DHX8: variants seen among roughly 807,000 people sequenced by gnomAD.
DHX8 encodes the protein DEAH-box helicase 8.
Under a neutral mutation model 140.7 loss-of-function variants are expected in DHX8, and 67 were observed. The ratio of observed to expected loss-of-function variants is 0.48; its 90% CI spans 0.39 to 0.58. The LOEUF is 0.58. Among genes scored for constraint, DHX8 ranks in the 20% least tolerant of loss-of-function variants. The pLI, the probability that DHX8 is intolerant of heterozygous loss-of-function variation, is 0.00. For missense variants in DHX8, 887 were observed against 1,550.7 expected (o/e 0.57, Z 7.19); for synonymous variants, 533 against 553.2 (o/e 0.96, Z 0.51).
downstream of DHX8, chr17:43,526,712 G>T: frequency 6.9e-7 from 1 of 1,446,392 alleles, no homozygotes; most frequent in East Asian, 2.5e-5. Flanking sequence ...CGGCCTTCAG[G>T]GTTTCCACCG....
At position 43,520,867 on chromosome 17, in the gene DHX8, C is replaced by T. The variant is rs1970339474; in HGVS notation, c.3054C>T (p.Phe1018=). Residue 1018 remains phenylalanine, a synonymous_variant, in exon 20 of 23, where the codon TTC becomes TTT. Transcript: ENST00000262415. ...IVSMLSVQNV[F]YRPKDKQALA... ...CCATGCTGTCTGTGCAGAACGTCTT[C>T]TATAGGCCCAAGGTAGGAAGTTCAG... is the stretch of plus-strand genomic sequence containing the variant. 6.2e-7 allele frequency: 1 copy of T among 1,609,166 alleles called. No individual in the cohort carries two copies. The highest frequency in any genetic ancestry group is 8.5e-7 in the Non-Finnish European group (1 of 1,177,906).
chr17:43,504,699 T>C lies in DHX8; in HGVS notation c.1602T>C (p.Asp534=). 1 of 1,614,190 alleles carries C rather than the reference T, an allele frequency of 6.2e-7. No individual in the cohort carries two copies. Among genetic ancestry groups the C allele is most frequent in the Non-Finnish European group, 8.5e-7 (1 of 1,180,032 alleles). The change falls in exon 12 of 23, where the codon GAT becomes GAC. Residue 534 remains aspartate, a synonymous_variant. Transcript: ENST00000262415. The part of the protein sequence containing the change: ...NMRGIGMMPN[D]IPEWKKHAFG... ...GGGGTATTGGGATGATGCCCAATGATATTCCTGAGTGGAAGAAGCATGCCT... is the reference window on the plus strand; with the variant it reads ...GGGGTATTGGGATGATGCCCAATGACATTCCTGAGTGGAAGAAGCATGCCT...
At chr17:43,540,921 G>A (rs2154587243) in intron 3 of DHX8, among the ~76,000 whole-genome samples, 1 of 152,208 alleles carries the variant, frequency 6.6e-6, no homozygotes, top group East Asian at 1.9e-4. Context: ...CCACCCCTGG[G>A]GCCTCATTAA....
At chr17:43,536,153 T>TG (rs1165626380) in intron 2 of DHX8, among the ~76,000 whole-genome samples, 3 of 152,082 alleles carry the variant, frequency 2.0e-5, no homozygotes, top group African/African-American at 4.8e-5. Flanking sequence ...ACACTAGAAC[T>TG]GGACTCTGCT....
At chr17:43,508,251 T>C (rs1448875619) in intron 15 of DHX8, 88 bp from the exon 16 acceptor site, 2 of 1,508,836 alleles carry the variant, frequency 1.3e-6, no homozygotes, top group African/African-American at 2.8e-5. Context: ...TGTTCTGTTA[T>C]TTGAAGTTTT....
chr17:43,541,140 C>T (rs2154587252), intron 3 of DHX8, among the ~76,000 whole-genome samples: 1 of 152,240 alleles, frequency 6.6e-6, no homozygotes, highest in African/African-American at 2.4e-5. Context: ...CATCCTCTTC[C>T]CAGAGCCAGG....
At chr17:43,531,095 T>G (rs866619708), downstream of DHX8, among the ~76,000 whole-genome samples, 15 of 152,160 alleles carry the variant, frequency 9.9e-5, no homozygotes, top group African/African-American at 3.4e-4. Flanking sequence ...GCCCTGGATT[T>G]GAGGACAGGA....
In DHX8 at chr17:43,517,151, A is replaced by G. The variant is rs753039271; in HGVS notation, c.2644-16A>G. ...TGTTTAACAGATATGTTGCTTTTAT[A>G]TGCCCACCCCTCTAGGCTCAGGCAA... On this transcript the variant is annotated splice_polypyrimidine_tract_variant and intron_variant, in intron 17 of 22. Coordinates refer to ENST00000262415, the MANE Select transcript of DHX8 (RefSeq NM_004941.3). 1 of 1,603,894 alleles carries G rather than the reference A, an allele frequency of 6.2e-7. No homozygotes were observed. The highest frequency in any genetic ancestry group is 1.1e-5 in the South Asian group (1 of 90,186).
chr17:43,513,953 T>G lies in DHX8; in HGVS notation c.2643+451T>G, dbSNP rs550396688. Among the ~76,000 whole-genome samples, 4 of 152,158 alleles carry G rather than the reference T, an allele frequency of 2.6e-5. No individual in the cohort carries two copies. In the South Asian group the frequency reaches 8.3e-4, roughly 32 times the overall value. On this transcript the variant is annotated intron_variant, in intron 17 of 22. Transcript: ENST00000262415. ...GTCTTGAACTCGCAACCTCAGATGA[T>G]CCACCCGTCTTGGCCTCCCAAAGTG...
intron 2 of DHX8, 123 bp from the exon 3 acceptor site, chr17:43,490,268 T>C (rs529457774): frequency 2.9e-6 from 2 of 686,118 alleles, no homozygotes; most frequent in East Asian, 5.1e-5. Context: ...ATGTTTCATG[T>C]ATTCCAATTA....
At position 43,534,846 on chromosome 17, in the gene DHX8, C is replaced by A. The variant is rs538502893; in HGVS notation, c.351-1566C>A. Among the ~76,000 whole-genome samples, 7 of 152,230 alleles carry A rather than the reference C, an allele frequency of 4.6e-5. No homozygotes were observed. The East Asian group carries it at 1.2e-3, about 25-fold the overall frequency. ...ATCCCAGCTACTCGGGAGGCTGAGG[C>A]AGGAGAATTGCTTGAACCTGGGAGG... On this transcript the variant is annotated intron_variant, in intron 2 of 3. Transcript: ENST00000589898.
At chr17:43,489,331 A>T (rs1968359624) in intron 1 of DHX8, 118 bp from the exon 2 acceptor site, 2 of 686,738 alleles carry the variant, frequency 2.9e-6, no homozygotes, top group South Asian at 1.9e-5. Context: ...CCCTTACCAG[A>T]TGGTGGTCTT....
intron 2 of DHX8, among the ~76,000 whole-genome samples, chr17:43,535,621 G>A (rs112253825): frequency 0.013 from 2,053 of 152,274 alleles, 40 homozygotes; most frequent in African/African-American, 0.047. Flanking sequence ...CTGTGGGCCA[G>A]ATAGTGTTTT....
intron 16 of DHX8, among the ~76,000 whole-genome samples, chr17:43,512,713 CA>C: frequency 6.6e-6 from 1 of 152,144 alleles, no homozygotes; most frequent in Admixed American, 6.6e-5. Flanking sequence ...CCGGTGCCCC[CA>C]GTGATGATTT....
At chr17:43,529,734 C>T (rs1314602469), downstream of DHX8, 13 of 1,588,908 alleles carry the variant, frequency 8.2e-6, no homozygotes, top group South Asian at 1.1e-5. Context: ...CCCAAGCAAC[C>T]GCCTCCCACC....
rs146851235 is a variant in DHX8 at position 43,492,257 on chromosome 17, A to G, written c.468A>G (p.Ala156=). 3.2e-5 allele frequency: 51 copies of G among 1,613,968 alleles called. No homozygotes were observed. In the African/African-American group the frequency reaches 5.5e-4, roughly 17 times the overall value. The change falls in exon 5 of 23, where the codon GCA becomes GCG. Residue 156 remains alanine (A), a synonymous_variant. Transcript: ENST00000262415. ...AACTGGAAGCTTTAATGCCCAGCGC[A>G]GCAGGCCAGGAGAAGCAAAGAGATG... is the stretch of plus-strand genomic sequence containing the variant. ...LKELEALMPS[A]AGQEKQRDAE...
At chr17:43,534,073 C>A in intron 2 of DHX8, 2 of 1,349,644 alleles carry the variant, frequency 1.5e-6, no homozygotes, top group South Asian at 1.8e-5. Flanking sequence ...CTTTGAGGAC[C>A]AGCTGGGTGA....
At chr17:43,527,882 TGTG>T (rs1043727531), downstream of DHX8, 26 of 231,710 alleles carry the variant, frequency 1.1e-4, no homozygotes, top group Admixed American at 7.9e-4. Flanking sequence ...GTCTGGCAGA[TGTG>T]GTGGAGGTGG....
intron 17 of DHX8, 112 bp downstream of exon 17, chr17:43,513,614 C>T (rs1050603394): frequency 1.8e-6 from 2 of 1,142,742 alleles, no homozygotes; most frequent in Admixed American, 5.1e-5. Context: ...TTTTATGATA[C>T]TGGGTACTAT....
Sources: allele counts gnomAD v4.1 joint callset (sites outside exome capture counted in the v4.1 genomes callset), GRCh38; gene constraint gnomAD v4.1.1; transcripts MANE v1.5; gene names NCBI Gene and HGNC (gene_info 2026-07-23, HGNC 2026-07-21).